The following TRPC5 variants were observed in gnomAD, a reference collection of about 807,000 sequenced individuals.
The protein encoded by TRPC5 is transient receptor potential cation channel subfamily C member 5, also known as short transient receptor potential channel 5.
Under a neutral mutation model 56.5 loss-of-function variants are expected in TRPC5, and 9 were observed. The observed-to-expected ratio is 0.16, with a 90% CI of 0.10 to 0.28. The LOEUF (loss-of-function observed/expected upper bound fraction) is 0.28, where lower values mean the gene tolerates loss of function less well. Ranked by LOEUF, TRPC5 falls within the 10% of genes least tolerant of loss-of-function variation. The probability of loss-of-function intolerance (pLI) is 1.00; values close to 1 mark genes in which losing one functional copy is unlikely to be tolerated. For synonymous variants in TRPC5, 282 were observed against 278.5 expected, an observed-to-expected ratio of 1.01 and a Z score of -0.13; for missense variants, 469 against 748.9, an observed-to-expected ratio of 0.63 and a Z score of 4.36.
intron 8 of TRPC5, 117 bp downstream of exon 8, chrX:111,781,818 C>T: frequency 1.6e-6 from 1 of 616,143 alleles, no homozygotes; most frequent in African/African-American, 2.3e-5. Context: ...TTGCTTGAAC[C>T]CAGGCAGCAG....
chrX:112,078,649 A>G (rs907791198), intron 1 of TRPC5, among the ~76,000 whole-genome samples: 1 of 112,428 alleles, frequency 8.9e-6, no homozygotes, highest in Admixed American at 9.4e-5. Context: ...TGGTGACAGA[A>G]AACCAAACCT....
chrX:112,077,612 C>G (rs957499073), intron 1 of TRPC5, among the ~76,000 whole-genome samples: 2 of 111,701 alleles, frequency 1.8e-5, no homozygotes, highest in Admixed American at 1.9e-4. Flanking sequence ...TAGCAAGGCT[C>G]TAGCTCACTA....
rs1279952419 is a variant in TRPC5 at position 111,771,790 on chromosome X, C to CA, written c.*4522dup. The stretch of plus-strand genomic sequence containing the variant: ...CCTAAATGCTTTTTTTTTTTTTAAA[C>CA]AAAACCAGGAACCTCAAATCTTGAT... On this transcript the variant is annotated 3_prime_UTR_variant, in exon 11 of 11. Transcript: ENST00000262839. 1.9e-5 allele frequency among the ~76,000 whole-genome samples: 2 copies of CA among 105,024 alleles called. No individual in the cohort carries two copies. The highest frequency in any genetic ancestry group is 7.0e-5 in the African/African-American group (2 of 28,680). 91.2% of individuals were successfully genotyped at this position (105,024 alleles called of 115,157 possible). A position where few individuals can be genotyped will look rare whatever the true frequency, so the allele number is the denominator to read the frequency against.
intron 1 of TRPC5, among the ~76,000 whole-genome samples, chrX:111,952,868 A>G (rs1239363332): frequency 1.8e-5 from 2 of 111,985 alleles, no homozygotes; most frequent in Non-Finnish European, 3.8e-5. Context: ...CAACTGGCAT[A>G]GGGTAAACCT....
At chrX:111,953,050 T>C (rs753336908) in intron 1 of TRPC5, among the ~76,000 whole-genome samples, 13 of 111,929 alleles carry the variant, frequency 1.2e-4, no homozygotes, top group African/African-American at 3.9e-4. Context: ...TTTGTAACTG[T>C]CCCACATGCA....
intron 1 of TRPC5, among the ~76,000 whole-genome samples, chrX:111,957,683 G>A (rs1340865849): frequency 8.9e-6 from 1 of 111,919 alleles, no homozygotes; most frequent in East Asian, 2.8e-4. Flanking sequence ...GCCAGCAATA[G>A]TAGATATTCA....
chrX:111,858,385 TTTG>T (rs1400666505), intron 3 of TRPC5, among the ~76,000 whole-genome samples: 2 of 111,073 alleles, frequency 1.8e-5, no homozygotes, highest in Admixed American at 9.6e-5. Flanking sequence ...ATTTGTAGTT[TTTG>T]TTGTTGTTGT....
chrX:111,976,923 A>T (rs1927945241), intron 1 of TRPC5, among the ~76,000 whole-genome samples: 1 of 111,554 alleles, frequency 9.0e-6, no homozygotes, highest in African/African-American at 3.3e-5. Context: ...AATACTTAGG[A>T]ATTAACTTAA....
intron 6 of TRPC5, among the ~76,000 whole-genome samples, chrX:111,842,881 G>T (rs1603052616): frequency 9.0e-6 from 1 of 110,912 alleles, no homozygotes; most frequent in Non-Finnish European, 1.9e-5. Flanking sequence ...TCCTGGGGGG[G>T]CAGGGTGGGC....
intron 7 of TRPC5, among the ~76,000 whole-genome samples, chrX:111,803,266 T>G (rs1921380722): frequency 1.8e-5 from 2 of 112,545 alleles, no homozygotes; most frequent in Admixed American, 1.9e-4. Flanking sequence ...AGTCTATTAT[T>G]GATGGACATT....
chrX:111,829,629 C>T (rs185228491), intron 7 of TRPC5, among the ~76,000 whole-genome samples: 269 of 112,552 alleles, frequency 2.4e-3, no homozygotes, highest in African/African-American at 8.2e-3. Flanking sequence ...CTAAAAGGTG[C>T]CCAGGTACAG....
intron 1 of TRPC5, among the ~76,000 whole-genome samples, chrX:112,033,985 G>A (rs370256063): frequency 6.2e-5 from 7 of 112,264 alleles, no homozygotes; most frequent in African/African-American, 2.3e-4. Flanking sequence ...CCATTGATGT[G>A]TATGTCTCTC....
chrX:111,889,883 G>A (rs946227307), intron 3 of TRPC5, among the ~76,000 whole-genome samples: 12 of 111,488 alleles, frequency 1.1e-4, no homozygotes, highest in African/African-American at 3.3e-4. Flanking sequence ...GTTCAGCTAG[G>A]CTTTTTGTAT....
At chrX:111,832,054 A>G (rs1403918446) in intron 7 of TRPC5, among the ~76,000 whole-genome samples, 1 of 111,759 alleles carries the variant, frequency 8.9e-6, no homozygotes, top group Non-Finnish European at 1.9e-5. Flanking sequence ...AAGGAGAAGT[A>G]AATCACTGCT....
chrX:111,899,960 C>T (rs1427721923), intron 3 of TRPC5, among the ~76,000 whole-genome samples: 2 of 110,502 alleles, frequency 1.8e-5, no homozygotes, highest in African/African-American at 3.3e-5. Flanking sequence ...TCGTTGTGAC[C>T]CTTATCATCA....
At chrX:112,029,142 C>T (rs774703175) in intron 1 of TRPC5, among the ~76,000 whole-genome samples, 178 of 110,707 alleles carry the variant, frequency 1.6e-3, no homozygotes, top group African/African-American at 5.1e-3. Context: ...TCCAACCCCC[C>T]GTTACCCTTC....
intron 1 of TRPC5, among the ~76,000 whole-genome samples, chrX:111,969,840 T>C (rs1408542358): frequency 1.8e-5 from 2 of 110,824 alleles, no homozygotes; most frequent in African/African-American, 3.3e-5. Context: ...CTTATAGGCA[T>C]TGAAGAGACA....
chrX:112,030,309 A>T (rs752485052), intron 1 of TRPC5, among the ~76,000 whole-genome samples: 20 of 112,719 alleles, frequency 1.8e-4, no homozygotes, highest in Non-Finnish European at 3.6e-4. Flanking sequence ...ATTATTATTT[A>T]TAAATGAGAA....
intron 2 of TRPC5, among the ~76,000 whole-genome samples, chrX:111,939,368 G>A (rs1371782505): frequency 2.7e-5 from 3 of 110,601 alleles, no homozygotes; most frequent in Non-Finnish European, 5.7e-5. Flanking sequence ...TTCTTTTTTT[G>A]ATGGCTCTTT....
Sources: allele counts gnomAD v4.1 joint callset (sites outside exome capture counted in the v4.1 genomes callset), GRCh38; gene constraint gnomAD v4.1.1; transcripts MANE v1.5; gene names NCBI Gene and HGNC (gene_info 2026-07-23, HGNC 2026-07-21).